The following THBS4 variants were observed in gnomAD, a reference collection of about 807,000 sequenced individuals.
THBS4 encodes the protein thrombospondin-4.
A neutral mutation model predicts 115.7 loss-of-function variants in THBS4; 90 were observed. The observed-to-expected ratio is 0.78, with a 90% CI of 0.66 to 0.93. The LOEUF is 0.93. Among genes scored for constraint, THBS4 ranks in the 40% least tolerant of loss-of-function variants. The pLI is 0.00. For missense variants in THBS4, 1,087 were observed against 1,232.7 expected, an observed-to-expected ratio of 0.88 and a Z score of 1.77; for synonymous variants, 460 against 479.3, an observed-to-expected ratio of 0.96 and a Z score of 0.53.
Position 80,080,093 on chromosome 5 carries a change from A to T in THBS4, c.2684+16A>T. 1 of 1,610,564 alleles carries T rather than the reference A, an allele frequency of 6.2e-7. No individual in the cohort carries two copies. Among genetic ancestry groups the T allele is most frequent in the Non-Finnish European group, 8.5e-7 (1 of 1,178,282 alleles). Reference sequence around the variant, plus strand: ...GCTACATCAGGTAGGTAGAGGCCCCATCTCCTTACCTTGCTCTAGAAGCAA... The same window carrying T: ...GCTACATCAGGTAGGTAGAGGCCCCTTCTCCTTACCTTGCTCTAGAAGCAA... On this transcript the variant is annotated intron_variant, in intron 20 of 21. Transcript: ENST00000350881.
At chr5:80,019,041 G>GTTTTTTTTTTTTTTTTTT (rs537532061) in intron 2 of THBS4, among the ~76,000 whole-genome samples, 1 of 135,012 alleles carries the variant, frequency 7.4e-6, no homozygotes, top group Non-Finnish European at 1.6e-5. Flanking sequence ...CTCTGTGATT[G>GTTTTTTTTTTTTTTTTTT]TTTTTTTTTT....
At chr5:80,024,808 C>T (rs1483164237) in intron 2 of THBS4, among the ~76,000 whole-genome samples, 1 of 152,168 alleles carries the variant, frequency 6.6e-6, no homozygotes, top group African/African-American at 2.4e-5. Context: ...TTCTCATGGC[C>T]TCAATTCACG....
upstream of THBS4, among the ~76,000 whole-genome samples, chr5:80,034,848 CT>C (rs774574486): frequency 6.6e-6 from 1 of 152,198 alleles, no homozygotes; most frequent in Non-Finnish European, 1.5e-5. Context: ...AAGAAACTCG[CT>C]GCTCTCTGGG....
In THBS4 at chr5:80,065,473, C is replaced by T; in HGVS notation, c.1190C>T (p.Thr397Ile). The T allele has an allele frequency of 6.2e-7, 1 of 1,613,092 alleles. No homozygotes were observed. Among genetic ancestry groups the T allele is most frequent in the Non-Finnish European group, 8.5e-7 (1 of 1,179,638 alleles). The change falls in exon 9 of 22, where the codon ACT (threonine) becomes ATT (isoleucine). Residue 397 changes from threonine (T) to isoleucine (I), a missense_variant. Thr to Ile is a moderately conservative substitution (Grantham distance 89). Coordinates refer to ENST00000350881, the MANE Select transcript of THBS4 (RefSeq NM_003248.6). ...ACVPNSICVN[T>I]LGSYRCGPCK... ...GTTCCCAACTCGATCTGCGTTAATA[C>T]TTTGGTAAGTATTTCTCACAGCTGT...
chr5:80,072,633 C>A, intron 14 of THBS4: 1 of 501,938 alleles, frequency 2.0e-6, no homozygotes, highest in Non-Finnish European at 3.6e-6. Flanking sequence ...GTTAGTAACA[C>A]GAACTTCATG....
At chr5:80,059,069 T>C (rs2434304) in intron 5 of THBS4, among the ~76,000 whole-genome samples, 82,895 of 152,066 alleles carry the variant, frequency 0.55, 22,982 homozygotes, top group African/African-American at 0.64. Context: ...CGGTGCCTCA[T>C]GACTGTAATC....
chr5:80,025,090 A>T (rs116132191), intron 2 of THBS4, among the ~76,000 whole-genome samples: 1,904 of 152,288 alleles, frequency 0.013, 46 homozygotes, highest in African/African-American at 0.044. Context: ...TGTTGTAAAG[A>T]TTAGATGAGA....
chr5:79,994,150 T>G (rs1484449092), intron 1 of THBS4, among the ~76,000 whole-genome samples: 2 of 152,230 alleles, frequency 1.3e-5, no homozygotes, highest in Non-Finnish European at 2.9e-5. Context: ...ATGCCAGAAG[T>G]TGTTTCAAGT....
In THBS4 at chr5:79,998,408, C is replaced by G. The variant is rs1013683578; in HGVS notation, n.158C>G. ...TTCTGAGACCCCCTCAGCCATGTTT[C>G]CTGTAGAGCCTGTGGAGTTGTGAGT... On this transcript the variant is annotated non_coding_transcript_exon_variant, in exon 2 of 4. Transcript: ENST00000510218. 1.3e-5 allele frequency: 2 copies of G among 155,254 alleles called. 1 individual carries two copies. The highest frequency in any genetic ancestry group is 2.8e-5 in the Non-Finnish European group (2 of 70,524). The allele number at this position is 155,254 out of a possible 1,614,324, so 9.6% of individuals were successfully genotyped here.
At chr5:80,010,476 A>G (rs968769911) in intron 2 of THBS4, among the ~76,000 whole-genome samples, 1 of 152,202 alleles carries the variant, frequency 6.6e-6, no homozygotes, top group Non-Finnish European at 1.5e-5. Flanking sequence ...CCACCCTTTA[A>G]GACATTCTCC....
At chr5:80,011,118 G>C (rs1158302644) in intron 2 of THBS4, among the ~76,000 whole-genome samples, 1 of 152,204 alleles carries the variant, frequency 6.6e-6, no homozygotes, top group African/African-American at 2.4e-5. Flanking sequence ...CATGAGACCT[G>C]ACAGTTTTAA....
At chr5:80,012,538 T>G (rs1224629517) in intron 2 of THBS4, among the ~76,000 whole-genome samples, 3 of 152,126 alleles carry the variant, frequency 2.0e-5, no homozygotes, top group Non-Finnish European at 4.4e-5. Context: ...CTCCTAGAGG[T>G]GTCCTTGGTC....
chr5:80,072,610 G>A (rs185947358), intron 14 of THBS4: 159 of 556,342 alleles, frequency 2.9e-4, no homozygotes, highest in Non-Finnish European at 4.5e-4. Flanking sequence ...CCAGGCTGTC[G>A]ATTGCCTGTG....
In THBS4 at chr5:80,069,640, T is replaced by G. The variant is rs528572724; in HGVS notation, c.1348-666T>G. Among the ~76,000 whole-genome samples, 4 of 152,320 alleles carry G rather than the reference T, an allele frequency of 2.6e-5. No homozygotes were observed. In the South Asian group the frequency reaches 8.3e-4, roughly 32 times the overall value. On this transcript the variant is annotated intron_variant, in intron 10 of 21. Coordinates refer to ENST00000350881, the MANE Select transcript of THBS4 (RefSeq NM_003248.6). ...CTGCCAGAAAATAGCTCATTAAAAA[T>G]GTATTTGTTCCTAGAGGACATTTTT...
chr5:79,994,066 T>A (rs1331907392), intron 1 of THBS4, among the ~76,000 whole-genome samples: 2 of 152,234 alleles, frequency 1.3e-5, no homozygotes, highest in Non-Finnish European at 2.9e-5. Flanking sequence ...AAAAGTTCTT[T>A]TATCTCTGAG....
intron 2 of THBS4, among the ~76,000 whole-genome samples, chr5:80,051,894 G>A (rs1833269969): frequency 6.6e-6 from 1 of 152,170 alleles, no homozygotes; most frequent in Non-Finnish European, 1.5e-5. Context: ...ACATGCCCAA[G>A]AAAATATGTT....
In THBS4 at chr5:80,058,214, G is replaced by A. The variant is rs1235570759; in HGVS notation, c.549G>A (p.Leu183=). 6.4e-7 allele frequency: 1 copy of A among 1,572,630 alleles called. No individual in the cohort carries two copies. The highest frequency in any genetic ancestry group is 1.8e-5 in the Admixed American group (1 of 54,680). ...RTFQRKPQDF[L]EELKLVVRGS... Reference sequence around the variant, plus strand: ...AATGTGATTTCTTCCAGGACTTCTTGGAAGAGCTGAAGCTGGTGGTGAGAG... The same window carrying A: ...AATGTGATTTCTTCCAGGACTTCTTAGAAGAGCTGAAGCTGGTGGTGAGAG... The change falls in exon 4 of 22, where the codon TTG becomes TTA. Residue 183 remains leucine (L), a synonymous_variant. Coordinates refer to ENST00000350881, the MANE Select transcript of THBS4 (RefSeq NM_003248.6).
At chr5:80,080,268 C>T (rs560533941) in intron 20 of THBS4, 191 bp downstream of exon 20, 20 of 650,724 alleles carry the variant, frequency 3.1e-5, no homozygotes, top group Non-Finnish European at 4.6e-5. Context: ...TCAGACCACC[C>T]GGACAGGACA....
In THBS4 at chr5:80,058,759, T is replaced by C; in HGVS notation, c.701T>C (p.Leu234Pro). 6.2e-7 allele frequency: 1 copy of C among 1,614,042 alleles called. No individual in the cohort carries two copies. The highest frequency in any genetic ancestry group is 8.5e-7 in the Non-Finnish European group (1 of 1,179,988). Reference protein sequence around the residue: ...LGQMTQLNQLLGEVKDLLRQQ... With the variant: ...LGQMTQLNQLPGEVKDLLRQQ... The stretch of plus-strand genomic sequence containing the variant: ...CAAATGACACAATTAAACCAACTCC[T>C]GGGAGAGGTGAAGGACCTTCTGAGA... The change falls in exon 5 of 22, where the codon CTG becomes CCG. Residue 234 changes from leucine to proline, a missense_variant. By Grantham distance (98) the Leu-to-Pro change is moderately conservative. Around this residue, in one of 3 missense-constraint regions of THBS4, gnomAD observed 979 missense variants for 1,103.7 expected, o/e 0.89. Transcript: ENST00000350881.
Sources: allele counts gnomAD v4.1 joint callset (sites outside exome capture counted in the v4.1 genomes callset), GRCh38; gene constraint gnomAD v4.1.1; regional missense constraint gnomAD v4.1.1; transcripts MANE v1.5; gene names NCBI Gene and HGNC (gene_info 2026-07-23, HGNC 2026-07-21).